The following ZFHX2 variants were observed in gnomAD, a reference collection of about 807,000 sequenced individuals.
The protein encoded by ZFHX2 is zinc finger homeobox protein 2.
ZFHX2 carries 75 observed loss-of-function variants against 164.8 expected under a neutral mutation model. The observed-to-expected ratio is 0.46, with a 90% CI of 0.38 to 0.55. The LOEUF is 0.55. ZFHX2 is among the 20% of genes least tolerant of loss of function. The pLI is 0.00. For missense variants in ZFHX2, 2,933 were observed against 3,308.0 expected, an observed-to-expected ratio of 0.89 and a Z score of 2.78; for synonymous variants, 1,217 against 1,351.4, an observed-to-expected ratio of 0.90 and a Z score of 2.18.
upstream of ZFHX2, chr14:23,555,756 T>A (rs1460681929): frequency 6.8e-6 from 1 of 147,874 alleles, no homozygotes; most frequent in East Asian, 2.1e-4. Context: ...CAGATATCTG[T>A]TGGACGGTGT....
In ZFHX2 at chr14:23,535,781, G is replaced by A. The variant is rs1309825262; in HGVS notation, c.-49-407C>T. Among the ~76,000 whole-genome samples, 1 of 151,802 alleles carries A rather than the reference G, an allele frequency of 6.6e-6. No homozygotes were observed. The highest frequency in any genetic ancestry group is 1.5e-5 in the Non-Finnish European group (1 of 67,942). ...CTAATTTTGTATTTTTAGTAGAGAC[G>A]GGGTTTCTCCGTGTTGGTCAGGCTG... On this transcript the variant is annotated intron_variant, in intron 1 of 9. Coordinates refer to ENST00000419474, the MANE Select transcript of ZFHX2 (RefSeq NM_033400.3). This position sits in a 1 kb window ranked among gnomAD's most constrained non-coding sequence, Gnocchi z 4.5.
chr14:23,552,299 T>TG (rs1343600170), upstream of ZFHX2, among the ~76,000 whole-genome samples: 64 of 151,286 alleles, frequency 4.2e-4, 1 homozygote, highest in South Asian at 0.013. Flanking sequence ...TTTTTTTTTT[T>TG]TTTTTTTTTC....
At position 23,525,520 on chromosome 14, in the gene ZFHX2, G is replaced by A. The variant is rs1246219247; in HGVS notation, c.4422C>T (p.Leu1474=). 2 of 1,535,704 alleles carry A rather than the reference G, an allele frequency of 1.3e-6. No homozygotes were observed. Among genetic ancestry groups the A allele is most frequent in the Non-Finnish European group, 1.7e-6 (2 of 1,146,896 alleles). ...CACAGGCCAGCTTGTCCCCACCCCCGAGGGCCTCAGGTGGGGGTGGGGTAG... is the reference window on the plus strand; with the variant it reads ...CACAGGCCAGCTTGTCCCCACCCCCAAGGGCCTCAGGTGGGGGTGGGGTAG... The part of the protein sequence containing the change: ...PPPTPPPPEA[L]GGGDKLACGA... The change falls in exon 9 of 10, where the codon CTC becomes CTT. Residue 1474 remains leucine (L), a synonymous_variant. Coordinates refer to ENST00000419474, the MANE Select transcript of ZFHX2 (RefSeq NM_033400.3). The surrounding 1 kb of genome is among the most constrained non-coding windows in gnomAD (Gnocchi z 5.9).
In ZFHX2 at chr14:23,551,444, T is replaced by G. The variant is rs1201499011; in HGVS notation, c.-151A>C. On this transcript the variant is annotated 5_prime_UTR_variant, in exon 1 of 10. Transcript: ENST00000419474. This position sits in a 1 kb window ranked among gnomAD's most constrained non-coding sequence, Gnocchi z 5.3. ...CTTGGAAGGGACTTCTCCGATGTGT[T>G]GATTCCTCTTTTTTCCCCTCCTCCT... 6.6e-6 allele frequency: 1 copy of G among 152,536 alleles called. No homozygotes were observed. Among genetic ancestry groups the G allele is most frequent in the African/African-American group, 2.4e-5 (1 of 41,390 alleles). The allele number at this position is 152,536 out of a possible 1,614,324, so 9.4% of individuals were successfully genotyped here. A position where few individuals can be genotyped will look rare whatever the true frequency, so the allele number is the denominator to read the frequency against.
At chr14:23,528,590 C>T in intron 6 of ZFHX2, 1 of 985,298 alleles carries the variant, frequency 1.0e-6, no homozygotes, top group Non-Finnish European at 1.2e-6. Flanking sequence ...TCCCTGCCCA[C>T]TCTGCCTCTG....
chr14:23,551,887 C>G (rs921461590), upstream of ZFHX2, among the ~76,000 whole-genome samples: 1 of 152,164 alleles, frequency 6.6e-6, no homozygotes, highest in Non-Finnish European at 1.5e-5. The surrounding 1 kb of genome is among the most constrained non-coding windows in gnomAD (Gnocchi z 5.3). Flanking sequence ...GACCCAGGGC[C>G]GGGGGCAGGC....
chr14:23,537,189 T>C (rs1880259465), intron 1 of ZFHX2, among the ~76,000 whole-genome samples: 1 of 151,412 alleles, frequency 6.6e-6, no homozygotes, highest in African/African-American at 2.4e-5. Context: ...TGAGGATTCC[T>C]GGGCTGCCTC....
rs1595130469 is a variant in ZFHX2, at chr14:23,522,518, A to T, written c.7163T>A (p.Ile2388Lys). 4 of 1,530,372 alleles carry T rather than the reference A, an allele frequency of 2.6e-6. No homozygotes were observed. The Admixed American group carries it at 5.9e-5, about 23-fold the overall frequency. 94.8% of individuals were successfully genotyped at this position (1,530,372 alleles called of 1,614,324 possible). A position where few individuals can be genotyped will look rare whatever the true frequency, so the allele number is the denominator to read the frequency against. Residue 2388 changes from isoleucine (I) to lysine (K), a missense_variant, in exon 10 of 10, where the codon ATA (isoleucine) becomes AAA (lysine). Coordinates refer to ENST00000419474, the MANE Select transcript of ZFHX2 (RefSeq NM_033400.3). ...GAGCAGCCCAATGAGGGTCTGAGGT[A>T]TCATGGGGTTCATGGGAAATAGCCC... ...KKGLFPMNPM[I>K]PQTLIGLLPN... is the part of the protein sequence containing the mutation.
chr14:23,542,203 G>A (rs1162779980), intron 1 of ZFHX2: 1 of 152,512 alleles, frequency 6.6e-6, no homozygotes, highest in Non-Finnish European at 1.5e-5. Context: ...CCTGTCCCCA[G>A]TGAGAAGGAG....
At chr14:23,532,419 C>G (rs1188506283) in intron 3 of ZFHX2, 148 bp downstream of exon 3, 7 of 961,832 alleles carry the variant, frequency 7.3e-6, no homozygotes, top group Non-Finnish European at 7.1e-6. Context: ...ACTTTGTTAC[C>G]CTGGTACATA....
intron 1 of ZFHX2, among the ~76,000 whole-genome samples, chr14:23,540,930 G>C (rs1430320018): frequency 6.6e-6 from 1 of 151,002 alleles, no homozygotes; most frequent in African/African-American, 2.4e-5. Context: ...TTTTGAGACA[G>C]AGTCTCGCTC....
intron 1 of ZFHX2, among the ~76,000 whole-genome samples, chr14:23,540,912 T>C (rs545959153): frequency 6.6e-6 from 1 of 152,020 alleles, no homozygotes; most frequent in South Asian, 2.1e-4. Context: ...CTTTTTTCTC[T>C]CTTTTTTTTT....
chr14:23,527,684 C>T lies in ZFHX2; in HGVS notation c.3055G>A (p.Val1019Met), dbSNP rs1276846631. 1.6e-5 allele frequency: 25 copies of T among 1,536,178 alleles called. No homozygotes were observed. The Admixed American group carries it at 4.3e-4, about 27-fold the overall frequency. ...TGGAAGTGCAGGGCAGGCCGGCCCA[C>T]CAGCTGTTCCTGGCACAGTGGGCAT... is the stretch of plus-strand genomic sequence containing the variant. The part of the protein sequence containing the change: ...YRCPLCQEQL[V>M]GRPALHFHLS... Residue 1019 changes from valine (V) to methionine (M), a missense_variant, in exon 7 of 10, where the codon GTG (valine) becomes ATG (methionine). By Grantham distance (21) the Val-to-Met change is conservative. Coordinates refer to ENST00000419474, the MANE Select transcript of ZFHX2 (RefSeq NM_033400.3).
chr14:23,523,873 G>C lies in ZFHX2; in HGVS notation c.6069C>G (p.Cys2023Trp). ...CACTCAGATCTCCTGCAGAGAGACT[G>C]CAAGCCTCACTCTCTGGAGAAGCTT... ...PPKASPESEA[C>W]SLSAGDLSDS... Residue 2023 changes from cysteine (C) to tryptophan (W), a missense_variant, in exon 9 of 10, where the codon TGC (cysteine) becomes TGG (tryptophan). Coordinates refer to ENST00000419474, the MANE Select transcript of ZFHX2 (RefSeq NM_033400.3). This position sits in a 1 kb window ranked among gnomAD's most constrained non-coding sequence, Gnocchi z 4.1. 1 of 1,536,188 alleles carries C rather than the reference G, an allele frequency of 6.5e-7. No individual in the cohort carries two copies. The highest frequency in any genetic ancestry group is 8.7e-7 in the Non-Finnish European group (1 of 1,146,916).
At position 23,521,003 on chromosome 14, in the gene ZFHX2, T is replaced by C. The variant is rs922112392; in HGVS notation, c.*959A>G. 6.8e-6 allele frequency: 1 copy of C among 146,114 alleles called. No homozygotes were observed. The highest frequency in any genetic ancestry group is 2.5e-5 in the African/African-American group (1 of 40,034). The allele number at this position is 146,114 out of a possible 1,614,324, so 9.1% of individuals were successfully genotyped here. A position where few individuals can be genotyped will look rare whatever the true frequency, so the allele number is the denominator to read the frequency against. On this transcript the variant is annotated 3_prime_UTR_variant, in exon 10 of 10. Transcript: ENST00000419474. The stretch of plus-strand genomic sequence containing the variant: ...TCTTGCTTTTTTGGTTGTGTTTCAG[T>C]TTTTTTTTTTGAAAGAACTTTGGAT...
At position 23,535,463 on chromosome 14, in the gene ZFHX2, C is replaced by T. The variant is rs895354933; in HGVS notation, c.-49-89G>A. Reference sequence around the variant, plus strand: ...TCTCTGGATACTCCTGCCCCATCCTCTTCCCTGAACACCAGACTCAGACAC... The same window carrying T: ...TCTCTGGATACTCCTGCCCCATCCTTTTCCCTGAACACCAGACTCAGACAC... On this transcript the variant is annotated intron_variant, in intron 1 of 9. Coordinates refer to ENST00000419474, the MANE Select transcript of ZFHX2 (RefSeq NM_033400.3). This position sits in a 1 kb window ranked among gnomAD's most constrained non-coding sequence, Gnocchi z 4.5. 3 of 1,082,926 alleles carry T rather than the reference C, an allele frequency of 2.8e-6. No individual in the cohort carries two copies. Among genetic ancestry groups the T allele is most frequent in the African/African-American group, 1.6e-5 (1 of 63,878 alleles). The allele number at this position is 1,082,926 out of a possible 1,614,324, so 67.1% of individuals were successfully genotyped here.
At chr14:23,538,670 G>C (rs1880458150) in intron 1 of ZFHX2, among the ~76,000 whole-genome samples, 1 of 152,100 alleles carries the variant, frequency 6.6e-6, no homozygotes, top group Non-Finnish European at 1.5e-5. Flanking sequence ...TGTGGGTAAA[G>C]AGACAAGGCG....
Position 23,533,303 on chromosome 14 carries a change from G to C in ZFHX2, c.2023C>G (p.Arg675Gly). Reference sequence around the variant, plus strand: ...AGCTTACCGGATGTGGGGAACTTGCGGGCAGGTGCTCCTACGTGGTGGAAA... The same window carrying C: ...AGCTTACCGGATGTGGGGAACTTGCCGGCAGGTGCTCCTACGTGGTGGAAA... ...NGFHHVGAPA[R>G]KFPTSAPGSL... Residue 675 changes from arginine (R) to glycine (G), a missense_variant, in exon 2 of 10, where the codon CGC becomes GGC. Arg to Gly is a moderately radical substitution (Grantham distance 125). Transcript: ENST00000419474. This position sits in a 1 kb window ranked among gnomAD's most constrained non-coding sequence, Gnocchi z 4.8. 7.0e-7 allele frequency: 1 copy of C among 1,436,882 alleles called. No individual in the cohort carries two copies. The highest frequency in any genetic ancestry group is 9.1e-7 in the Non-Finnish European group (1 of 1,099,490). The allele number at this position is 1,436,882 out of a possible 1,614,324, so 89.0% of individuals were successfully genotyped here. A position where few individuals can be genotyped will look rare whatever the true frequency, so the allele number is the denominator to read the frequency against.
rs1365284289 is a variant in ZFHX2, at chr14:23,533,674, T to G, written c.1652A>C (p.Glu551Ala). 2.6e-6 allele frequency: 4 copies of G among 1,537,948 alleles called. No individual in the cohort carries two copies. In the African/African-American group the frequency reaches 5.5e-5, roughly 21 times the overall value. The change falls in exon 2 of 10, where the codon GAG (glutamate) becomes GCG (alanine). Residue 551 changes from glutamate to alanine, a missense_variant. Coordinates refer to ENST00000419474, the MANE Select transcript of ZFHX2 (RefSeq NM_033400.3). The surrounding 1 kb of genome is among the most constrained non-coding windows in gnomAD (Gnocchi z 4.8). ...TCCCGCGGAGGGTGGGAGTGATGCC[T>G]CTGGTGGACTTCCCTGCCCACCAGG... ...AGPGGQGSPPEASLPPSAGDK... is the reference protein window; with the variant it reads ...AGPGGQGSPPAASLPPSAGDK...
Sources: allele counts gnomAD v4.1 joint callset (sites outside exome capture counted in the v4.1 genomes callset), GRCh38; gene constraint gnomAD v4.1.1; non-coding constraint Gnocchi (gnomAD v3.1); transcripts MANE v1.5; gene names NCBI Gene and HGNC (gene_info 2026-07-23, HGNC 2026-07-21).